Variants in SEMA5A observed in about 807,000 individuals in gnomAD.
SEMA5A encodes semaphorin 5A.
Under a neutral mutation model 135.5 loss-of-function variants are expected in SEMA5A, and 55 were observed. That is an observed-to-expected ratio of 0.41 (90% confidence interval 0.33 to 0.51). The LOEUF (loss-of-function observed/expected upper bound fraction) is 0.51, where lower values mean the gene tolerates loss of function less well. Ranked by LOEUF, SEMA5A falls within the 20% of genes least tolerant of loss-of-function variation. The pLI, the probability that SEMA5A is intolerant of heterozygous loss-of-function variation, is 0.37. For synonymous variants in SEMA5A, 580 were observed against 546.5 expected (o/e 1.06, Z -0.85); for missense variants, 1,290 against 1,419.9 (o/e 0.91, Z 1.47).
chr5:9,173,438 A>T (rs979189737), intron 11 of SEMA5A, among the ~76,000 whole-genome samples: 1 of 152,140 alleles, frequency 6.6e-6, no homozygotes, highest in Non-Finnish European at 1.5e-5. Flanking sequence ...TATATCTCAT[A>T]GTTCTAAAGC....
intron 3 of SEMA5A, among the ~76,000 whole-genome samples, chr5:9,372,800 G>A (rs1285538272): frequency 2.0e-5 from 3 of 152,186 alleles, no homozygotes; most frequent in Non-Finnish European, 2.9e-5. Flanking sequence ...ATGGACCTGT[G>A]GACACACATG....
chr5:9,400,910 A>G (rs1033594200), intron 2 of SEMA5A, among the ~76,000 whole-genome samples: 5 of 152,186 alleles, frequency 3.3e-5, no homozygotes, highest in Admixed American at 2.0e-4. Flanking sequence ...ACCTAGAATT[A>G]TAAATTACTT....
chr5:9,285,136 G>A (rs3797977), intron 5 of SEMA5A, among the ~76,000 whole-genome samples: 19 of 152,148 alleles, frequency 1.2e-4, no homozygotes, highest in Admixed American at 5.9e-4. Flanking sequence ...GCATTTATGC[G>A]TCATTCCACA....
At chr5:9,481,455 C>G (rs1181373656) in intron 1 of SEMA5A, among the ~76,000 whole-genome samples, 1 of 152,136 alleles carries the variant, frequency 6.6e-6, no homozygotes, top group East Asian at 1.9e-4. Flanking sequence ...CTACAGACTA[C>G]AGTAGCTAAT....
chr5:9,441,367 T>C (rs1042368764), intron 1 of SEMA5A, among the ~76,000 whole-genome samples: 8 of 151,870 alleles, frequency 5.3e-5, no homozygotes, highest in African/African-American at 1.7e-4. Context: ...AGTGGGTGCA[T>C]TGCAGGTGAA....
intron 8 of SEMA5A, among the ~76,000 whole-genome samples, chr5:9,208,331 C>T (rs536969635): frequency 3.3e-5 from 5 of 152,284 alleles, no homozygotes; most frequent in Non-Finnish European, 5.9e-5. Flanking sequence ...ATGCTACAGA[C>T]GAGCCTGGAG....
At chr5:9,538,555 T>C (rs536247683) in intron 1 of SEMA5A, among the ~76,000 whole-genome samples, 10 of 152,148 alleles carry the variant, frequency 6.6e-5, no homozygotes, top group African/African-American at 2.4e-4. Context: ...TCAAAGATGT[T>C]CCCCCTGAGC....
chr5:9,239,810 G>A (rs1805954), intron 5 of SEMA5A, among the ~76,000 whole-genome samples: 29,911 of 151,826 alleles, frequency 0.2, 3,300 homozygotes, highest in African/African-American at 0.32. Context: ...AGTCATTCAC[G>A]GTGGCTTTCA....
chr5:9,350,823 C>G (rs1370674025), intron 3 of SEMA5A, among the ~76,000 whole-genome samples: 2 of 152,198 alleles, frequency 1.3e-5, no homozygotes, highest in African/African-American at 4.8e-5. Context: ...GCCCCACATG[C>G]CTTTTATGGG....
In SEMA5A at chr5:9,520,216, C is replaced by A. The variant is rs116015269; in HGVS notation, c.-175+25368G>T. ...ATTCATCAGTCCAACATTTCCTAAGCACCTACTCCAGGCCAGGCACTGTTG... is the reference window on the plus strand; with the variant it reads ...ATTCATCAGTCCAACATTTCCTAAGAACCTACTCCAGGCCAGGCACTGTTG... On this transcript the variant is annotated intron_variant, in intron 1 of 22. Transcript: ENST00000382496. 4.3e-3 allele frequency among the ~76,000 whole-genome samples: 657 copies of A among 152,326 alleles called. 4 individuals are homozygous for A. Among genetic ancestry groups the A allele is most frequent in the African/African-American group, 0.015 (628 of 41,570 alleles).
At chr5:9,265,924 C>T (rs1396016115) in intron 5 of SEMA5A, among the ~76,000 whole-genome samples, 1 of 152,176 alleles carries the variant, frequency 6.6e-6, no homozygotes, top group East Asian at 1.9e-4. Context: ...CAGTGTTTTG[C>T]GGAGGAAGAC....
intron 12 of SEMA5A, among the ~76,000 whole-genome samples, chr5:9,151,711 C>T (rs1158831275): frequency 6.6e-6 from 1 of 152,114 alleles, no homozygotes; most frequent in African/African-American, 2.4e-5. Context: ...GAATGAAATA[C>T]TAAAGGACCA....
intron 3 of SEMA5A, among the ~76,000 whole-genome samples, chr5:9,353,098 G>GAAAGGGA (rs1378151075): frequency 0.13 from 2,778 of 21,760 alleles, 850 homozygotes; most frequent in African/African-American, 0.15. Flanking sequence ...GGAAAGGAAG[G>GAAAGGGA]AAGGAAAGGA....
At chr5:9,136,382 G>T in intron 13 of SEMA5A, 122 bp downstream of exon 13, 2 of 765,938 alleles carry the variant, frequency 2.6e-6, no homozygotes, top group Non-Finnish European at 4.4e-6. Flanking sequence ...CACAGACTGG[G>T]TTTGCAAAAA....
chr5:9,178,910 C>G lies in SEMA5A; in HGVS notation c.1273+11357G>C, dbSNP rs1047736755. On this transcript the variant is annotated intron_variant, in intron 11 of 22. Coordinates refer to ENST00000382496, the MANE Select transcript of SEMA5A (RefSeq NM_003966.3). ...TAAATATCTGTTAAAAATTCCTAAGCCTGTGTCTACATTATATACTCCAGT... is the reference window on the plus strand; with the variant it reads ...TAAATATCTGTTAAAAATTCCTAAGGCTGTGTCTACATTATATACTCCAGT... Among the ~76,000 whole-genome samples the G allele has an allele frequency of 5.3e-5, 8 of 152,256 alleles. No homozygotes were observed. The South Asian group carries it at 1.2e-3, about 24-fold the overall frequency.
At chr5:9,136,462 C>G (rs1382017021) in intron 13 of SEMA5A, 42 bp downstream of exon 13, 1 of 1,530,166 alleles carries the variant, frequency 6.5e-7, no homozygotes, top group South Asian at 1.1e-5. Flanking sequence ...GCATGGCTCC[C>G]ATGGGCAGCA....
chr5:9,054,303 A>G (rs1736768148), intron 18 of SEMA5A, 46 bp from the exon 19 acceptor site: 1 of 1,575,044 alleles, frequency 6.3e-7, no homozygotes, highest in East Asian at 2.3e-5. Flanking sequence ...TCCAATCCCA[A>G]CCAAGTGAAA....
At chr5:9,142,745 T>C (rs937014190) in intron 12 of SEMA5A, among the ~76,000 whole-genome samples, 1 of 152,226 alleles carries the variant, frequency 6.6e-6, no homozygotes, top group African/African-American at 2.4e-5. Flanking sequence ...GGTGGCTAGA[T>C]CATTTGAGGT....
chr5:9,476,194 T>TA, intron 1 of SEMA5A, among the ~76,000 whole-genome samples: 1 of 152,094 alleles, frequency 6.6e-6, no homozygotes, highest in Admixed American at 6.5e-5. Context: ...CGATTAAAAA[T>TA]AAAAAAAGCA....
Sources: allele counts gnomAD v4.1 joint callset (sites outside exome capture counted in the v4.1 genomes callset), GRCh38; gene constraint gnomAD v4.1.1; transcripts MANE v1.5; gene names NCBI Gene and HGNC (gene_info 2026-07-23, HGNC 2026-07-21).